The following BPIFC variants were observed in gnomAD, a reference collection of about 807,000 sequenced individuals.
BPIFC encodes the protein BPI fold containing family C.
BPIFC carries 60 observed loss-of-function variants against 57.6 expected under a neutral mutation model. That is an observed-to-expected ratio of 1.04 (90% confidence interval 0.85 to 1.29). The LOEUF (loss-of-function observed/expected upper bound fraction) is 1.29, where lower values mean the gene tolerates loss of function less well. Ranked by LOEUF, BPIFC falls within the 50% of genes most tolerant of loss-of-function variation. The pLI is 0.00. For missense variants in BPIFC, 581 were observed against 600.5 expected, an observed-to-expected ratio of 0.97 and a Z score of 0.34; for synonymous variants, 243 against 224.5, an observed-to-expected ratio of 1.08 and a Z score of -0.74.
intron 11 of BPIFC, among the ~76,000 whole-genome samples, 168 bp from the exon 12 acceptor site, chr22:32,432,711 G>T (rs1240458628): frequency 1.3e-5 from 2 of 152,190 alleles, no homozygotes; most frequent in African/African-American, 4.8e-5. Context: ...GATGATAACA[G>T]TTGGCAGTTA....
intron 9 of BPIFC, among the ~76,000 whole-genome samples, chr22:32,436,284 GA>G (rs1934390911): frequency 6.6e-6 from 1 of 151,364 alleles, no homozygotes; most frequent in African/African-American, 2.4e-5. Flanking sequence ...CTGGGTGACA[GA>G]GGGGGACCTT....
intron 5 of BPIFC, chr22:32,446,611 A>G (rs1214540303): frequency 3.4e-6 from 1 of 297,746 alleles, no homozygotes. Context: ...CACTCAATAA[A>G]TGGTTGTTGA....
intron 13 of BPIFC, among the ~76,000 whole-genome samples, chr22:32,427,952 A>C (rs1174258694): frequency 1.3e-5 from 2 of 152,160 alleles, no homozygotes; most frequent in African/African-American, 2.4e-5. Context: ...GTGCCACTGC[A>C]CTCCAGCCTG....
At chr22:32,428,549 G>A (rs953043325) in intron 13 of BPIFC, among the ~76,000 whole-genome samples, 8 of 152,044 alleles carry the variant, frequency 5.3e-5, no homozygotes, top group African/African-American at 1.7e-4. Flanking sequence ...GTAAACCTTC[G>A]TAAAACCTTT....
rs1934595092 is a variant in BPIFC, at chr22:32,442,598, A to G, written c.655+73T>C. 3 of 1,482,244 alleles carry G rather than the reference A, an allele frequency of 2.0e-6. No homozygotes were observed. The Admixed American group carries it at 5.2e-5, about 26-fold the overall frequency. 91.8% of individuals were successfully genotyped at this position (1,482,244 alleles called of 1,614,324 possible). A position where few individuals can be genotyped will look rare whatever the true frequency, so the allele number is the denominator to read the frequency against. On this transcript the variant is annotated intron_variant, in intron 8 of 16. Coordinates refer to ENST00000300399, the MANE Select transcript of BPIFC (RefSeq NM_174932.3). Reference sequence around the variant, plus strand: ...ATAGCTCAAGCTATACCGCCTTGAAAAGCAAACCCAGGCAGTACCAGCTTT... The same window carrying G: ...ATAGCTCAAGCTATACCGCCTTGAAGAGCAAACCCAGGCAGTACCAGCTTT...
chr22:32,425,918 C>T (rs1009916987), intron 13 of BPIFC, among the ~76,000 whole-genome samples: 2 of 152,188 alleles, frequency 1.3e-5, no homozygotes, highest in Admixed American at 6.5e-5. Flanking sequence ...GTCTTTATTA[C>T]ACCATTTTAC....
intron 2 of BPIFC, among the ~76,000 whole-genome samples, chr22:32,460,047 G>A (rs1568963042): frequency 6.6e-6 from 1 of 152,070 alleles, no homozygotes; most frequent in South Asian, 2.1e-4. Flanking sequence ...ATTAAGGGGG[G>A]TGAGTAGGCT....
chr22:32,443,650 T>A (rs1934632464), intron 7 of BPIFC, among the ~76,000 whole-genome samples: 1 of 152,230 alleles, frequency 6.6e-6, no homozygotes, highest in South Asian at 2.1e-4. Flanking sequence ...ATTGATGTGC[T>A]TGGCATAGTG....
intron 4 of BPIFC, among the ~76,000 whole-genome samples, chr22:32,448,259 G>A (rs939581320): frequency 5.3e-5 from 8 of 151,894 alleles, no homozygotes; most frequent in South Asian, 2.1e-4. Context: ...TAGTAGAGAC[G>A]GGCTTTCACC....
intron 7 of BPIFC, among the ~76,000 whole-genome samples, chr22:32,443,748 C>T (rs1010126674): frequency 5.3e-5 from 8 of 152,150 alleles, no homozygotes; most frequent in African/African-American, 1.4e-4. Flanking sequence ...TCCACATCTG[C>T]AACATTTGCA....
intron 13 of BPIFC, among the ~76,000 whole-genome samples, chr22:32,419,810 A>G (rs1933788356): frequency 6.8e-6 from 1 of 146,572 alleles, no homozygotes; most frequent in African/African-American, 2.7e-5. Flanking sequence ...TGTCAAAAAA[A>G]AAAAAAAAAA....
intron 13 of BPIFC, among the ~76,000 whole-genome samples, chr22:32,430,637 TGA>T (rs1179980452): frequency 2.0e-5 from 3 of 150,142 alleles, no homozygotes; most frequent in Non-Finnish European, 4.4e-5. Context: ...ATAAAATATG[TGA>T]GAGAGATATA....
chr22:32,430,554 A>G (rs909580798), intron 13 of BPIFC, among the ~76,000 whole-genome samples: 9 of 144,036 alleles, frequency 6.2e-5, no homozygotes, highest in Non-Finnish European at 1.3e-4. Flanking sequence ...GTTTTATATA[A>G]ATATAAAAAT....
chr22:32,457,519 A>T, intron 2 of BPIFC, 133 bp from the exon 3 acceptor site: 1 of 985,704 alleles, frequency 1.0e-6, no homozygotes, highest in East Asian at 2.7e-5. Flanking sequence ...CAATCCATCC[A>T]TTCATCCATC....
chr22:32,450,132 ACACACACACAT>A (rs1934853534), intron 4 of BPIFC, among the ~76,000 whole-genome samples: 1 of 125,862 alleles, frequency 7.9e-6, no homozygotes, highest in East Asian at 2.0e-4. Flanking sequence ...ACACACACAC[ACACACACACAT>A]ATATACACAT....
chr22:32,437,993 T>C (rs968435929), intron 8 of BPIFC, 142 bp from the exon 9 acceptor site: 7 of 552,806 alleles, frequency 1.3e-5, no homozygotes, highest in African/African-American at 1.2e-4. Flanking sequence ...TAATACATGT[T>C]ATCTTTTGAA....
At chr22:32,419,871 C>T (rs1308402048) in intron 13 of BPIFC, among the ~76,000 whole-genome samples, 3 of 151,030 alleles carry the variant, frequency 2.0e-5, no homozygotes, top group Admixed American at 6.6e-5. Flanking sequence ...GGGAAGACAT[C>T]GAGTTCTATT....
chr22:32,431,515 C>T, intron 12 of BPIFC, 101 bp from the exon 13 acceptor site: 3 of 793,246 alleles, frequency 3.8e-6, no homozygotes, highest in Non-Finnish European at 4.1e-6. Flanking sequence ...CAACATTCCC[C>T]CTTAGTGTAA....
Position 32,457,383 on chromosome 22 carries a change from A to C in BPIFC, c.4T>G (p.Cys2Gly). 1 of 1,607,216 alleles carries C rather than the reference A, an allele frequency of 6.2e-7. No homozygotes were observed. The highest frequency in any genetic ancestry group is 1.7e-5 in the Admixed American group (1 of 57,736). ...CAGAGGACTGGGATTGTCTTTGTAC[A>C]CATCTGAAATTAACCAACAGTTAAG... M[C>G]TKTIPVLWGC... is the part of the protein sequence containing the mutation. The change falls in exon 3 of 17, where the codon TGT (cysteine) becomes GGT (glycine). Residue 2 changes from cysteine (C) to glycine (G), a missense_variant. By Grantham distance (159) the Cys-to-Gly change is radical. Transcript: ENST00000300399.
Sources: allele counts gnomAD v4.1 joint callset (sites outside exome capture counted in the v4.1 genomes callset), GRCh38; gene constraint gnomAD v4.1.1; transcripts MANE v1.5; gene names NCBI Gene and HGNC (gene_info 2026-07-23, HGNC 2026-07-21).